Variants in FUT8 observed in about 807,000 individuals in gnomAD.
The protein encoded by FUT8 is alpha-(1,6)-fucosyltransferase.
In FUT8, 29 loss-of-function variants were observed where a neutral mutation model predicts 71.3. That is an observed-to-expected ratio of 0.41 (90% CI 0.30 to 0.55). The LOEUF (loss-of-function observed/expected upper bound fraction) is 0.55. Ranked by LOEUF, FUT8 falls within the 20% of genes least tolerant of loss-of-function variation. FUT8 has a pLI of 0.34. For missense variants in FUT8, 544 were observed against 702.1 expected, an observed-to-expected ratio of 0.77 and a Z score of 2.55; for synonymous variants, 254 against 239.3, an observed-to-expected ratio of 1.06 and a Z score of -0.57.
At chr14:65,372,718 C>G in the FUT8 span, among the ~76,000 whole-genome samples, 1 of 152,168 alleles carries the variant, frequency 6.6e-6, no homozygotes, top group Non-Finnish European at 1.5e-5. Context: ...TGCCCGGCCT[C>G]CTTCTTTCTT....
chr14:65,517,569 A>G (rs565943010), intron 2 of FUT8, among the ~76,000 whole-genome samples: 1 of 152,182 alleles, frequency 6.6e-6, no homozygotes, highest in Non-Finnish European at 1.5e-5. Flanking sequence ...TGCATATTCC[A>G]TTCAAGCATA....
intron 7 of FUT8, among the ~76,000 whole-genome samples, chr14:65,679,284 C>A (rs1892919925): frequency 6.6e-6 from 1 of 152,140 alleles, no homozygotes; most frequent in African/African-American, 2.4e-5. Context: ...ACTGTATGTT[C>A]CTCTTTTCTA....
Position 65,512,354 on chromosome 14 carries a change from C to T in FUT8, c.-227-48983C>T, listed in dbSNP as rs142266770. 3.7e-3 allele frequency among the ~76,000 whole-genome samples: 560 copies of T among 152,152 alleles called. 2 individuals are homozygous for T. Among genetic ancestry groups the T allele is most frequent in the African/African-American group, 0.012 (511 of 41,520 alleles). On this transcript the variant is annotated intron_variant, in intron 2 of 10. Transcript: ENST00000673929. ...CTAAGTTTTGTAATTTTAGTAGAGACGAGGTTTCACCATATTGTCCAGGCA... is the reference window on the plus strand; with the variant it reads ...CTAAGTTTTGTAATTTTAGTAGAGATGAGGTTTCACCATATTGTCCAGGCA...
chr14:65,649,693 G>A (rs1033848302), intron 6 of FUT8, among the ~76,000 whole-genome samples: 4 of 152,176 alleles, frequency 2.6e-5, no homozygotes, highest in South Asian at 2.1e-4. Context: ...TTTTCACTAT[G>A]AGAGTTCATT....
the FUT8 span, among the ~76,000 whole-genome samples, chr14:65,403,632 T>C: frequency 2.6e-5 from 4 of 152,186 alleles, no homozygotes; most frequent in African/African-American, 9.6e-5. Context: ...GGTTAACATA[T>C]AAGGTAGAAT....
At chr14:65,357,374 G>C in the FUT8 span, among the ~76,000 whole-genome samples, 5 of 152,222 alleles carry the variant, frequency 3.3e-5, no homozygotes. Flanking sequence ...ATCCTGCCTA[G>C]GGCTACAGAT....
intron 7 of FUT8, among the ~76,000 whole-genome samples, chr14:65,684,460 C>T (rs1893180076): frequency 6.6e-6 from 1 of 152,130 alleles, no homozygotes; most frequent in South Asian, 2.1e-4. Context: ...ATAGTCTGAA[C>T]CCTCTATCTA....
intron 5 of FUT8, among the ~76,000 whole-genome samples, chr14:65,621,037 T>C (rs1270731377): frequency 6.6e-6 from 1 of 152,136 alleles, no homozygotes; most frequent in Non-Finnish European, 1.5e-5. Flanking sequence ...TGGAAAAGGG[T>C]GTTTTTCATC....
intron 7 of FUT8, among the ~76,000 whole-genome samples, chr14:65,685,273 C>G (rs1240841698): frequency 6.6e-6 from 1 of 152,132 alleles, no homozygotes; most frequent in Admixed American, 6.5e-5. Context: ...ACAGTTTTCC[C>G]TGGCAGCACT....
chr14:65,616,316 G>C lies in FUT8; in HGVS notation c.425G>C (p.Gly142Ala). Reference protein sequence around the residue: ...SELKKLKNLEGNELQRHADEF... With the variant: ...SELKKLKNLEANELQRHADEF... ...TTGAAGAAATTAAAGAACTTAGAAG[G>C]AAATGAACTCCAAAGACATGCAGAT... is the stretch of plus-strand genomic sequence containing the variant. Residue 142 changes from glycine (G) to alanine (A), a missense_variant, in exon 5 of 11, where the codon GGA (glycine) becomes GCA (alanine). Transcript: ENST00000673929. The C allele has an allele frequency of 6.2e-7, 1 of 1,612,410 alleles. No individual in the cohort carries two copies. The highest frequency in any genetic ancestry group is 1.1e-5 in the South Asian group (1 of 90,772).
intron 6 of FUT8, among the ~76,000 whole-genome samples, chr14:65,634,189 A>G (rs576007141): frequency 5.3e-5 from 8 of 151,950 alleles, no homozygotes; most frequent in African/African-American, 1.2e-4. Context: ...AGAAGTAGAC[A>G]TGGGAGACTT....
chr14:65,557,935 G>T (rs1351432708), intron 2 of FUT8, among the ~76,000 whole-genome samples: 1 of 152,072 alleles, frequency 6.6e-6, no homozygotes, highest in Non-Finnish European at 1.5e-5. Context: ...CATATCAAAG[G>T]CTGAACATAC....
At chr14:65,559,051 G>T (rs1885758492) in intron 2 of FUT8, among the ~76,000 whole-genome samples, 1 of 152,064 alleles carries the variant, frequency 6.6e-6, no homozygotes, top group South Asian at 2.1e-4. Context: ...TATTCAAAAT[G>T]TATGTTTCTG....
At position 65,652,256 on chromosome 14, in the gene FUT8, A is replaced by C. The variant is rs1014821620; in HGVS notation, c.598-16987A>C. 6.6e-6 allele frequency among the ~76,000 whole-genome samples: 1 copy of C among 152,194 alleles called. No homozygotes were observed. Among genetic ancestry groups the C allele is most frequent in the Non-Finnish European group, 1.5e-5 (1 of 68,034 alleles). ...GTGGACCAGAAGCTGGAAAGGCCAGATACTCGCTTTCCTAGCACCCTCCCT... is the reference window on the plus strand; with the variant it reads ...GTGGACCAGAAGCTGGAAAGGCCAGCTACTCGCTTTCCTAGCACCCTCCCT... On this transcript the variant is annotated intron_variant, in intron 6 of 10. Transcript: ENST00000673929. The surrounding 1 kb of genome is among the most constrained non-coding windows in gnomAD (Gnocchi z 4.0).
At chr14:65,371,942 C>A in the FUT8 span, among the ~76,000 whole-genome samples, 9 of 152,116 alleles carry the variant, frequency 5.9e-5, no homozygotes, top group African/African-American at 2.2e-4. Context: ...ACATTTACAT[C>A]TCTAGTTTTC....
the FUT8 span, among the ~76,000 whole-genome samples, chr14:65,360,082 C>T: frequency 6.6e-6 from 1 of 152,222 alleles, no homozygotes; most frequent in Non-Finnish European, 1.5e-5. Flanking sequence ...CCGTCCGCCT[C>T]AGCCTCCCAA....
At chr14:65,631,234 C>G (rs1240751732) in intron 6 of FUT8, among the ~76,000 whole-genome samples, 1 of 152,180 alleles carries the variant, frequency 6.6e-6, no homozygotes, top group African/African-American at 2.4e-5. Context: ...ATGGAAATAA[C>G]TGTGGTTTCT....
At position 65,611,283 on chromosome 14, in the gene FUT8, ACACACACACACACACACAC is replaced by A. The variant is rs1566851494; in HGVS notation, c.204-4693_204-4675del. ...CACACACACACACACACACACACAC[ACACACACACACACACACAC>A]CCCCCAAGTAATAGCCTTGATTTTG... is the stretch of plus-strand genomic sequence containing the variant. On this transcript the variant is annotated intron_variant, in intron 3 of 10. Coordinates refer to ENST00000673929, the MANE Select transcript of FUT8 (RefSeq NM_001371533.1). Among the ~76,000 whole-genome samples, 53 of 44,634 alleles carry A rather than the reference ACACACACACACACACACAC, an allele frequency of 1.2e-3. 9 individuals carry two copies. The highest frequency in any genetic ancestry group is 4.9e-3 in the African/African-American group (44 of 8,998). 29.3% of individuals were successfully genotyped at this position (44,634 alleles called of 152,430 possible). A position where few individuals can be genotyped will look rare whatever the true frequency, so the allele number is the denominator to read the frequency against.
At chr14:65,693,303 G>C (rs1893802614) in intron 7 of FUT8, among the ~76,000 whole-genome samples, 1 of 152,240 alleles carries the variant, frequency 6.6e-6, no homozygotes, top group South Asian at 2.1e-4. Context: ...TTAGGAGCTG[G>C]AGACCAGCCC....
Sources: gnomAD v4.1 joint callset for allele counts (sites outside exome capture counted in the v4.1 genomes callset) on GRCh38, gnomAD v4.1.1 for gene constraint, Gnocchi (gnomAD v3.1) non-coding constraint, MANE v1.5 for transcripts, NCBI Gene and HGNC (gene_info 2026-07-23, HGNC 2026-07-21) for gene names.